C6orf89: variants seen among roughly 807,000 people sequenced by gnomAD.
The protein encoded by C6orf89 is chromosome 6 open reading frame 89.
Under a neutral mutation model 40.7 loss-of-function variants are expected in C6orf89, and 29 were observed. That is an observed-to-expected ratio of 0.71 (90% CI 0.53 to 0.97). The LOEUF (loss-of-function observed/expected upper bound fraction) is 0.97. C6orf89 is among the 50% of genes least tolerant of loss of function. C6orf89 has a pLI of 0.00. For synonymous variants in C6orf89, 165 were observed against 152.2 expected (o/e 1.08, Z -0.62); for missense variants, 392 against 429.1 (o/e 0.91, Z 0.76).
At chr6:36,916,378 G>T in intron 6 of C6orf89, 67 bp from the exon 7 acceptor site, 1 of 1,589,640 alleles carries the variant, frequency 6.3e-7, no homozygotes, top group Non-Finnish European at 8.6e-7. Context: ...CCCTTACTTG[G>T]CTCTCTCTTA....
chr6:36,888,612 C>T (rs183947578), intron 1 of C6orf89, among the ~76,000 whole-genome samples: 104 of 152,044 alleles, frequency 6.8e-4, no homozygotes, highest in Non-Finnish European at 1.4e-3. Flanking sequence ...CCAGCCTGAG[C>T]GAAGAGTGAG....
intron 8 of C6orf89, 115 bp from the exon 9 acceptor site, chr6:36,923,232 T>C: frequency 1.5e-6 from 1 of 664,874 alleles, no homozygotes. Context: ...AAGATTTGTC[T>C]TTGACTCTGC....
At chr6:36,879,326 G>A (rs1245761041) in intron 2 of C6orf89, among the ~76,000 whole-genome samples, 1 of 152,118 alleles carries the variant, frequency 6.6e-6, no homozygotes, top group African/African-American at 2.4e-5. Flanking sequence ...GCTAATGTCT[G>A]TGTTTTATCA....
intron 3 of C6orf89, among the ~76,000 whole-genome samples, chr6:36,900,301 A>G (rs560893580): frequency 6.6e-6 from 1 of 150,646 alleles, no homozygotes; most frequent in East Asian, 1.9e-4. Flanking sequence ...TCCCAGGTTC[A>G]AACGATTCTC....
chr6:36,906,452 A>G (rs1446063226), intron 4 of C6orf89, among the ~76,000 whole-genome samples: 1 of 152,242 alleles, frequency 6.6e-6, no homozygotes, highest in Admixed American at 6.5e-5. Context: ...ACTGATGTGC[A>G]AGGGGATTGA....
chr6:36,875,107 G>A, intron 1 of C6orf89: 2 of 309,904 alleles, frequency 6.5e-6, no homozygotes, highest in South Asian at 7.9e-5. Context: ...TTGGAGTTAT[G>A]TCCTAATATT....
At chr6:36,907,860 A>G (rs1052104332) in intron 4 of C6orf89, among the ~76,000 whole-genome samples, 1 of 152,202 alleles carries the variant, frequency 6.6e-6, no homozygotes, top group Non-Finnish European at 1.5e-5. Flanking sequence ...GCCGTAAACT[A>G]GGGTGGCATG....
intron 8 of C6orf89, among the ~76,000 whole-genome samples, chr6:36,921,230 G>A (rs1762499688): frequency 6.6e-6 from 1 of 152,276 alleles, no homozygotes; most frequent in East Asian, 1.9e-4. Context: ...ATGGGGGCAG[G>A]GAGGGGTGGG....
At chr6:36,910,813 G>A (rs1762100509) in intron 4 of C6orf89, among the ~76,000 whole-genome samples, 1 of 151,738 alleles carries the variant, frequency 6.6e-6, no homozygotes. Flanking sequence ...ACAAGCATCA[G>A]CCACCACCCA....
rs142700423 is a variant in C6orf89 at position 36,906,665 on chromosome 6, C to T, written c.403+4231C>T. ...GTGAAATGATTTCTTGGGCTCTTTC[C>T]CTCTACGGTGTGTGAAAATGGCTCT... On this transcript the variant is annotated intron_variant, in intron 4 of 8. Transcript: ENST00000480824. Among the ~76,000 whole-genome samples, 64 of 152,238 alleles carry T rather than the reference C, an allele frequency of 4.2e-4. 2 individuals are homozygous for T. In the East Asian group the frequency reaches 6.0e-3, roughly 14 times the overall value.
exon 2 of C6orf89, chr6:36,879,064 G>A (rs1055704470): frequency 6.5e-6 from 1 of 153,172 alleles, no homozygotes; most frequent in African/African-American, 2.4e-5. Context: ...GGAGCACTGA[G>A]TGAACATGCA....
At position 36,914,378 on chromosome 6, in the gene C6orf89, G is replaced by C; in HGVS notation, c.498G>C (p.Val166=). 1 of 1,614,202 alleles carries C rather than the reference G, an allele frequency of 6.2e-7. No homozygotes were observed. The highest frequency in any genetic ancestry group is 8.5e-7 in the Non-Finnish European group (1 of 1,180,044). The change falls in exon 5 of 9, where the codon GTG becomes GTC. Residue 166 remains valine (V), a synonymous_variant. Coordinates refer to ENST00000480824, the MANE Select transcript of C6orf89 (RefSeq NM_001286635.2). ...CTGCAQKHLK[V]MLLEDAPRKF... ...GCTGTGCCCAGAAACACCTGAAGGT[G>C]ATGCTCCTGGAAGACGCCCCAAGGA...
chr6:36,896,262 C>G (rs1761427142), intron 2 of C6orf89, among the ~76,000 whole-genome samples: 1 of 152,132 alleles, frequency 6.6e-6, no homozygotes, highest in Non-Finnish European at 1.5e-5. Flanking sequence ...TGCCTGCCAC[C>G]ACACCCGGCT....
At chr6:36,908,858 A>G (rs1258742936) in intron 4 of C6orf89, among the ~76,000 whole-genome samples, 2 of 152,170 alleles carry the variant, frequency 1.3e-5, no homozygotes, top group Admixed American at 1.3e-4. Context: ...AGTCCTTGGC[A>G]TTCCTTGGCT....
intron 3 of C6orf89, 32 bp downstream of exon 3, chr6:36,899,665 A>C: frequency 1.3e-6 from 2 of 1,587,748 alleles, no homozygotes; most frequent in Non-Finnish European, 1.7e-6. Context: ...TAATTGCTTC[A>C]ACAGAACACA....
intron 1 of C6orf89, among the ~76,000 whole-genome samples, chr6:36,888,760 G>T (rs1428451294): frequency 2.0e-5 from 3 of 152,212 alleles, no homozygotes; most frequent in African/African-American, 7.2e-5. Context: ...TAACTGTGCT[G>T]TTAATGTAGA....
At chr6:36,877,877 A>G (rs1774701760) in intron 1 of C6orf89, among the ~76,000 whole-genome samples, 1 of 924 alleles carries the variant, frequency 1.1e-3, no homozygotes, top group Admixed American at 0.013. Flanking sequence ...CTATTTTTCT[A>G]TTTGGCTGTT....
Position 36,914,279 on chromosome 6 carries a change from C to T in C6orf89, c.404-5C>T. Reference sequence around the variant, plus strand: ...CTGTTTTCTCCATATCCCTTCCTCTCTCAGACTTTGACCCCTGGTGGACAA... The same window carrying T: ...CTGTTTTCTCCATATCCCTTCCTCTTTCAGACTTTGACCCCTGGTGGACAA... On this transcript the variant is annotated splice_region_variant and splice_polypyrimidine_tract_variant and intron_variant, in intron 4 of 8. Coordinates refer to ENST00000480824, the MANE Select transcript of C6orf89 (RefSeq NM_001286635.2). 6.2e-7 allele frequency: 1 copy of T among 1,612,486 alleles called. No individual in the cohort carries two copies. Among genetic ancestry groups the T allele is most frequent in the Non-Finnish European group, 8.5e-7 (1 of 1,179,110 alleles).
rs888908302 is a variant in C6orf89 at position 36,924,559 on chromosome 6, G to A, written c.*1118G>A. ...AATATAAAGCTGTGTGTTTCTGATT[G>A]GATGATTCACTATGTGCATTGTTTT... On this transcript the variant is annotated 3_prime_UTR_variant, in exon 9 of 9. Coordinates refer to ENST00000480824, the MANE Select transcript of C6orf89 (RefSeq NM_001286635.2). 1 of 152,122 alleles carries A rather than the reference G, an allele frequency of 6.6e-6. No homozygotes were observed. Among genetic ancestry groups the A allele is most frequent in the Non-Finnish European group, 1.5e-5 (1 of 68,018 alleles). 9.4% of individuals were successfully genotyped at this position (152,122 alleles called of 1,614,324 possible).
Sources: gnomAD v4.1 joint callset for allele counts (sites outside exome capture counted in the v4.1 genomes callset) on GRCh38, gnomAD v4.1.1 for gene constraint, MANE v1.5 for transcripts, NCBI Gene and HGNC (gene_info 2026-07-23, HGNC 2026-07-21) for gene names.